GLIS1: variants seen among roughly 807,000 people sequenced by gnomAD.
GLIS1 encodes the protein GLIS family zinc finger 1, also known as zinc finger protein GLIS1.
Under a neutral mutation model 63.8 loss-of-function variants are expected in GLIS1, and 24 were observed. That is an observed-to-expected ratio of 0.38 (90% CI 0.27 to 0.53). The LOEUF is 0.53. GLIS1 is among the 20% of genes least tolerant of loss of function. GLIS1 has a pLI of 0.85. For missense variants in GLIS1, 1,036 were observed against 1,074.1 expected, an observed-to-expected ratio of 0.96 and a Z score of 0.50; for synonymous variants, 450 against 482.5, an observed-to-expected ratio of 0.93 and a Z score of 0.88.
At chr1:53,729,042 A>G (rs1646832682) in intron 2 of GLIS1, among the ~76,000 whole-genome samples, 1 of 152,278 alleles carries the variant, frequency 6.6e-6, no homozygotes, top group Admixed American at 6.5e-5. Flanking sequence ...TCTTGAAATT[A>G]GCAGTTACCT....
intron 2 of GLIS1, among the ~76,000 whole-genome samples, chr1:53,728,650 C>A (rs1557544735): frequency 6.6e-6 from 1 of 152,150 alleles, no homozygotes; most frequent in Non-Finnish European, 1.5e-5. Flanking sequence ...AAAGATGAAT[C>A]TTTGAATATT....
intron 2 of GLIS1, among the ~76,000 whole-genome samples, chr1:53,673,456 G>A (rs1319900964): frequency 2.0e-5 from 3 of 152,206 alleles, no homozygotes; most frequent in Non-Finnish European, 4.4e-5. Context: ...CCCTGACTAC[G>A]CTCAGCAGCT....
chr1:53,589,708 G>C (rs1239857252), intron 4 of GLIS1, among the ~76,000 whole-genome samples: 2 of 152,182 alleles, frequency 1.3e-5, no homozygotes, highest in Non-Finnish European at 2.9e-5. Context: ...GAGGAAGCTG[G>C]GCAGGATGAA....
intron 4 of GLIS1, among the ~76,000 whole-genome samples, chr1:53,530,936 G>A (rs942051992): frequency 2.2e-4 from 34 of 152,200 alleles, no homozygotes; most frequent in Admixed American, 2.0e-3. Flanking sequence ...CAGCGCTGAC[G>A]GGCGCCTGCT....
intron 2 of GLIS1, chr1:53,733,914 G>A: frequency 1.0e-6 from 1 of 985,258 alleles, no homozygotes; most frequent in Non-Finnish European, 1.2e-6. Context: ...CTTTCTATGA[G>A]GGATGCGCTA....
chr1:53,684,224 C>A lies in GLIS1; in HGVS notation c.259+53582G>T, dbSNP rs35426310. ...GATCTCTGCAGTCCAGCTCCTCCTA[C>A]CCTCTCTGGAGGGAGCCAGGCTGCT... On this transcript the variant is annotated intron_variant, in intron 2 of 10. Transcript: ENST00000628545. Among the ~76,000 whole-genome samples the A allele has an allele frequency of 0.019, 2,880 of 152,214 alleles. 132 individuals are homozygous for A. In the East Asian group the frequency reaches 0.22, roughly 11 times the overall value.
At chr1:53,603,046 C>G (rs1645334339) in intron 2 of GLIS1, among the ~76,000 whole-genome samples, 1 of 152,204 alleles carries the variant, frequency 6.6e-6, no homozygotes, top group African/African-American at 2.4e-5. Flanking sequence ...GAGTGGAGAT[C>G]AAACCCATCA....
chr1:53,676,494 G>A (rs1244744923), intron 2 of GLIS1, among the ~76,000 whole-genome samples: 1 of 152,136 alleles, frequency 6.6e-6, no homozygotes, highest in African/African-American at 2.4e-5. Context: ...TCTTCCTGAG[G>A]ATCTTTCCAC....
intron 2 of GLIS1, among the ~76,000 whole-genome samples, chr1:53,649,110 T>C (rs1645878482): frequency 6.6e-6 from 1 of 152,120 alleles, no homozygotes; most frequent in Admixed American, 6.5e-5. Context: ...AGCCTAGAAA[T>C]ATCACAAAAT....
chr1:53,632,931 T>TG (rs1645677885), intron 2 of GLIS1, among the ~76,000 whole-genome samples: 2 of 127,704 alleles, frequency 1.6e-5, no homozygotes, highest in African/African-American at 3.1e-5. Context: ...TGAGTGTGAC[T>TG]GAGGGGCATG....
chr1:53,686,824 G>A (rs145094688), intron 2 of GLIS1, among the ~76,000 whole-genome samples: 157 of 152,254 alleles, frequency 1.0e-3, no homozygotes, highest in African/African-American at 3.5e-3. Context: ...GAACGGTGGC[G>A]GGGGTGGGGC....
chr1:53,579,706 ATGGGGGCAGCCG>A (rs1209621990), intron 4 of GLIS1, among the ~76,000 whole-genome samples: 1 of 152,206 alleles, frequency 6.6e-6, no homozygotes, highest in East Asian at 1.9e-4. Flanking sequence ...GGGGGCAGCC[ATGGGGGCAGCCG>A]TGGGGGCAGA....
chr1:53,717,249 A>T (rs759718738), intron 2 of GLIS1, among the ~76,000 whole-genome samples: 22 of 152,118 alleles, frequency 1.4e-4, no homozygotes, highest in Non-Finnish European at 2.6e-4. Context: ...AATCTCTATC[A>T]CCTCTTTGAT....
chr1:53,540,879 G>GCA (rs922214044), intron 4 of GLIS1, among the ~76,000 whole-genome samples: 1 of 152,222 alleles, frequency 6.6e-6, no homozygotes, highest in African/African-American at 2.4e-5. Flanking sequence ...CCCAGTGTCA[G>GCA]GTCACCAGAA....
At chr1:53,697,147 T>C (rs535526913) in intron 2 of GLIS1, among the ~76,000 whole-genome samples, 3 of 152,180 alleles carry the variant, frequency 2.0e-5, no homozygotes, top group Non-Finnish European at 4.4e-5. Context: ...ATTGTCTGGA[T>C]AGTGGGAAGA....
rs143204675 is a variant in GLIS1, at chr1:53,734,990, A to AG, written c.259+2815dup. Among the ~76,000 whole-genome samples, 1,347 of 152,318 alleles carry AG rather than the reference A, an allele frequency of 8.8e-3. 23 individuals carry two copies. The highest frequency in any genetic ancestry group is 0.03 in the African/African-American group (1,259 of 41,554). On this transcript the variant is annotated intron_variant, in intron 2 of 10. Coordinates refer to ENST00000628545, the MANE Select transcript of GLIS1 (RefSeq NM_001367484.1). ...TTAGTCCATGACATCACACCATCCCAGTGCCTCCCGATTCCAGATCAAATA... is the reference window on the plus strand; with the variant it reads ...TTAGTCCATGACATCACACCATCCCAGGTGCCTCCCGATTCCAGATCAAATA...
intron 2 of GLIS1, among the ~76,000 whole-genome samples, chr1:53,652,613 C>T (rs1645921306): frequency 1.3e-5 from 2 of 152,174 alleles, no homozygotes; most frequent in Admixed American, 6.5e-5. Context: ...AGTGCCCAGC[C>T]AGGCTGGGAG....
intron 2 of GLIS1, among the ~76,000 whole-genome samples, chr1:53,666,078 C>T (rs1432520972): frequency 6.6e-6 from 1 of 152,174 alleles, no homozygotes; most frequent in Non-Finnish European, 1.5e-5. Flanking sequence ...AACCAGAATG[C>T]ACGAGGTTAC....
intron 2 of GLIS1, among the ~76,000 whole-genome samples, chr1:53,705,178 G>A (rs1363972887): frequency 1.3e-5 from 2 of 152,044 alleles, no homozygotes; most frequent in Non-Finnish European, 1.5e-5. Flanking sequence ...AGCTACTATC[G>A]CATTTGACTC....
Sources: allele counts gnomAD v4.1 joint callset (sites outside exome capture counted in the v4.1 genomes callset), GRCh38; gene constraint gnomAD v4.1.1; transcripts MANE v1.5; gene names NCBI Gene and HGNC (gene_info 2026-07-23, HGNC 2026-07-21).